Variants in NRG1 observed in about 807,000 individuals in gnomAD.
The protein encoded by NRG1 is pro-neuregulin-1, membrane-bound isoform.
NRG1 carries 18 observed loss-of-function variants against 63.8 expected under a neutral mutation model. That is an observed-to-expected ratio of 0.28 (90% CI 0.19 to 0.42). The LOEUF is 0.42. NRG1 is among the 10% of genes least tolerant of loss of function. NRG1 has a pLI of 1.00. For missense variants in NRG1, 762 were observed against 814.7 expected (o/e 0.94, Z 0.79); for synonymous variants, 302 against 301.3 (o/e 1.00, Z -0.02).
chr8:32,183,877 C>T lies in NRG1; in HGVS notation c.38-411951C>T, dbSNP rs187153643. Among the ~76,000 whole-genome samples the T allele has an allele frequency of 1.2e-3, 184 of 152,244 alleles. 1 individual carries two copies. Among genetic ancestry groups the T allele is most frequent in the African/African-American group, 4.2e-3 (175 of 41,554 alleles). ...GAGCTGAGAATCAAAGCTCCTGATA[C>T]AGGAAGAAGCCTAACTCAGCCCATC... is the stretch of plus-strand genomic sequence containing the variant. On this transcript the variant is annotated intron_variant, in intron 1 of 10. Transcript: ENST00000519301.
chr8:31,650,203 C>T (rs1225067284), intron 1 of NRG1, among the ~76,000 whole-genome samples: 1 of 152,084 alleles, frequency 6.6e-6, no homozygotes, highest in Non-Finnish European at 1.5e-5. Flanking sequence ...GTCTTGAACT[C>T]CTAAGCTCAA....
chr8:32,544,424 TC>T (rs1395841827), upstream of NRG1, among the ~76,000 whole-genome samples: 26 of 152,090 alleles, frequency 1.7e-4, no homozygotes, highest in Admixed American at 2.6e-4. Flanking sequence ...TATTTTAGGT[TC>T]ATGAGATCAG....
chr8:32,637,319 C>T (rs540976892), intron 5 of NRG1, among the ~76,000 whole-genome samples: 8 of 152,042 alleles, frequency 5.3e-5, no homozygotes, highest in Non-Finnish European at 1.0e-4. Flanking sequence ...TATTTTATTA[C>T]ATTGTTTAAG....
At chr8:31,748,061 A>G (rs1439701886) in intron 1 of NRG1, among the ~76,000 whole-genome samples, 1 of 152,004 alleles carries the variant, frequency 6.6e-6, no homozygotes, top group Non-Finnish European at 1.5e-5. Flanking sequence ...CAAACATTGC[A>G]TAAAATAAAA....
intron 1 of NRG1, among the ~76,000 whole-genome samples, chr8:32,375,423 G>A (rs1809496623): frequency 6.6e-6 from 1 of 152,092 alleles, no homozygotes. Context: ...TAAAAAACTT[G>A]TCAGTTGTAT....
At chr8:31,976,242 C>T (rs565042656) in intron 1 of NRG1, among the ~76,000 whole-genome samples, 74 of 152,166 alleles carry the variant, frequency 4.9e-4, no homozygotes, top group Non-Finnish European at 9.0e-4. Context: ...ATGAAATCAA[C>T]GGTTTGCTTC....
chr8:32,335,495 T>C (rs1473369384), intron 1 of NRG1, among the ~76,000 whole-genome samples: 2 of 152,172 alleles, frequency 1.3e-5, no homozygotes, highest in Non-Finnish European at 2.9e-5. Context: ...GCCACAAAGA[T>C]AGAGTTGCTC....
At chr8:31,642,739 T>A (rs1413492186) in intron 1 of NRG1, among the ~76,000 whole-genome samples, 1 of 152,194 alleles carries the variant, frequency 6.6e-6, no homozygotes, top group African/African-American at 2.4e-5. Flanking sequence ...GTTACTGCCC[T>A]GGATTTCTGT....
intron 5 of NRG1, among the ~76,000 whole-genome samples, chr8:32,663,982 C>A (rs1487457104): frequency 1.3e-5 from 2 of 152,188 alleles, no homozygotes; most frequent in Admixed American, 1.3e-4. Context: ...CAGCTCGAAT[C>A]ATCTTTAATA....
intron 1 of NRG1, among the ~76,000 whole-genome samples, chr8:32,019,869 C>T (rs1816159742): frequency 6.6e-6 from 1 of 152,150 alleles, no homozygotes; most frequent in Non-Finnish European, 1.5e-5. Flanking sequence ...AGGTCTATTT[C>T]TGTAGTTTAT....
At chr8:31,884,792 AT>A (rs909286851) in intron 1 of NRG1, among the ~76,000 whole-genome samples, 18 of 151,504 alleles carry the variant, frequency 1.2e-4, no homozygotes, top group South Asian at 1.0e-3. Context: ...TCCATTTGAC[AT>A]TTTTTTTTAC....
chr8:31,785,648 A>G (rs1436093109), intron 1 of NRG1, among the ~76,000 whole-genome samples: 1 of 152,204 alleles, frequency 6.6e-6, no homozygotes, highest in Non-Finnish European at 1.5e-5. Context: ...CACTTCATTT[A>G]ACTTCATTCA....
At chr8:32,078,615 A>G (rs969668070) in intron 1 of NRG1, among the ~76,000 whole-genome samples, 1 of 152,216 alleles carries the variant, frequency 6.6e-6, no homozygotes, top group African/African-American at 2.4e-5. Flanking sequence ...GCCTGCATTA[A>G]TATAACTGGA....
At chr8:31,901,068 C>T (rs1290929205) in intron 1 of NRG1, among the ~76,000 whole-genome samples, 1 of 152,050 alleles carries the variant, frequency 6.6e-6, no homozygotes. Context: ...CATTCTTACT[C>T]AAAATTTAGA....
Position 32,230,277 on chromosome 8 carries a change from G to A in NRG1, c.38-365551G>A, listed in dbSNP as rs192035850. Among the ~76,000 whole-genome samples the A allele has an allele frequency of 2.5e-3, 379 of 152,258 alleles. 1 individual carries two copies. Among genetic ancestry groups the A allele is most frequent in the African/African-American group, 8.8e-3 (364 of 41,504 alleles). On this transcript the variant is annotated intron_variant, in intron 1 of 10. Coordinates refer to the NRG1 transcript ENST00000519301. ...TGGGGCAGCCAACAATTCCTGGAAG[G>A]TGACAGAGATAAAGTTGCAGAGAGG...
intron 1 of NRG1, among the ~76,000 whole-genome samples, chr8:32,410,969 G>A (rs1021789979): frequency 6.6e-6 from 1 of 151,314 alleles, no homozygotes; most frequent in East Asian, 2.0e-4. Flanking sequence ...TCCACCTCCT[G>A]GGTTCAAGCG....
chr8:31,895,556 G>A (rs766622646), intron 1 of NRG1, among the ~76,000 whole-genome samples: 22 of 152,224 alleles, frequency 1.4e-4, no homozygotes, highest in Non-Finnish European at 2.8e-4. Flanking sequence ...TCAGCCTTTA[G>A]TCTGATCTTC....
chr8:32,143,189 G>T (rs914888495), intron 1 of NRG1, among the ~76,000 whole-genome samples: 1 of 152,096 alleles, frequency 6.6e-6, no homozygotes, highest in Admixed American at 6.5e-5. Context: ...TGATTGGGCA[G>T]ATCACAGAGC....
At chr8:32,241,377 T>C (rs1048692397) in intron 1 of NRG1, among the ~76,000 whole-genome samples, 1 of 152,184 alleles carries the variant, frequency 6.6e-6, no homozygotes, top group Non-Finnish European at 1.5e-5. Flanking sequence ...TCCCCCTCAG[T>C]ATGTTGGCTG....
Sources: gnomAD v4.1 joint callset for allele counts (sites outside exome capture counted in the v4.1 genomes callset) on GRCh38, gnomAD v4.1.1 for gene constraint, MANE v1.5 for transcripts, NCBI Gene and HGNC (gene_info 2026-07-23, HGNC 2026-07-21) for gene names.